ZFX: variants seen among roughly 807,000 people sequenced by gnomAD.
The protein encoded by ZFX is zinc finger protein X-linked.
For missense variants in ZFX, 362 were observed against 628.3 expected (o/e 0.58, Z 4.53); for synonymous variants, 196 against 226.8 (o/e 0.86, Z 1.22).
chrX:24,212,858 C>G lies in ZFX; in HGVS notation c.*1482C>G, dbSNP rs1806709035. The G allele has an allele frequency of 9.0e-6, 1 of 111,469 alleles. No homozygotes were observed. Among genetic ancestry groups the G allele is most frequent in the African/African-American group, 3.3e-5 (1 of 30,645 alleles). 9.2% of individuals were successfully genotyped at this position (111,469 alleles called of 1,213,427 possible). A position where few individuals can be genotyped will look rare whatever the true frequency, so the allele number is the denominator to read the frequency against. The stretch of plus-strand genomic sequence containing the variant: ...GTCTGAGGCCTTATTTGGAACATCA[C>G]TAAGTCTTCCACAGGTTTTTTGTTT... On this transcript the variant is annotated 3_prime_UTR_variant, in exon 10 of 10. Transcript: ENST00000304543.
chrX:24,207,078 A>G (rs1018142480), intron 5 of ZFX: 28 of 269,123 alleles, frequency 1.0e-4, no homozygotes, highest in Non-Finnish European at 1.6e-4. Context: ...CTAAAAATAC[A>G]AAAAATTAGC....
rs146252701 is a variant in ZFX at position 24,208,739 on chromosome X, G to A, written c.1094-161G>A. On this transcript the variant is annotated intron_variant, in intron 8 of 9. Transcript: ENST00000304543. Reference sequence around the variant, plus strand: ...GAAGCTAGGCGTTTCCTACGGTCTCGCGATAATAAATGTGCTCATAAAACC... The same window carrying A: ...GAAGCTAGGCGTTTCCTACGGTCTCACGATAATAAATGTGCTCATAAAACC... Among the ~76,000 whole-genome samples the A allele has an allele frequency of 3.7e-3, 415 of 111,479 alleles. 2 individuals are homozygous for A. The highest frequency in any genetic ancestry group is 0.013 in the African/African-American group (397 of 30,718).
intron 3 of ZFX, among the ~76,000 whole-genome samples, chrX:24,156,660 C>CTTTTTTTTTTTTTTTTTT (rs767019753): frequency 2.4e-5 from 2 of 83,547 alleles, no homozygotes; most frequent in South Asian, 7.1e-4. Context: ...TAATAATAGC[C>CTTTTTTTTTTTTTTTTTT]TTTTTTTTTT....
chrX:24,205,963 C>T (rs367598748), intron 5 of ZFX, among the ~76,000 whole-genome samples: 5 of 108,124 alleles, frequency 4.6e-5, no homozygotes, highest in East Asian at 5.7e-4. Flanking sequence ...AAATTTTTTT[C>T]CTCTTTTTCT....
chrX:24,199,140 G>A (rs1166116551), intron 5 of ZFX, among the ~76,000 whole-genome samples: 1 of 111,661 alleles, frequency 9.0e-6, no homozygotes, highest in East Asian at 2.8e-4. Flanking sequence ...ATCACAGAGA[G>A]TGAGCATCTG....
chrX:24,199,401 C>A (rs777754727), intron 5 of ZFX, among the ~76,000 whole-genome samples: 1 of 109,600 alleles, frequency 9.1e-6, no homozygotes, highest in East Asian at 2.9e-4. Context: ...ACTACAGGTG[C>A]ACACTACCAT....
intron 5 of ZFX, among the ~76,000 whole-genome samples, chrX:24,185,877 T>C (rs1936067465): frequency 9.1e-6 from 1 of 110,032 alleles, no homozygotes; most frequent in African/African-American, 3.3e-5. Context: ...GAGGTTACAG[T>C]GACCCTTGAT....
intron 5 of ZFX, among the ~76,000 whole-genome samples, chrX:24,182,432 TG>T (rs1256915490): frequency 9.0e-6 from 1 of 111,372 alleles, no homozygotes; most frequent in East Asian, 2.8e-4. Flanking sequence ...CAGGAGGTTT[TG>T]GGAAGAGAAG....
In ZFX at chrX:24,184,201, C is replaced by T. The variant is rs1935921840; in HGVS notation, c.646+4431C>T. Among the ~76,000 whole-genome samples, 3 of 111,663 alleles carry T rather than the reference C, an allele frequency of 2.7e-5. No homozygotes were observed. In the South Asian group the frequency reaches 1.1e-3, roughly 42 times the overall value. On this transcript the variant is annotated intron_variant, in intron 5 of 9. Coordinates refer to ENST00000304543, the MANE Select transcript of ZFX (RefSeq NM_003410.4). ...TTGGATAAGGGTTACTCAACCCTTA[C>T]GACTGCCAGATTTTCTATTACAAGA...
In ZFX at chrX:24,213,249, C is replaced by T. The variant is rs765860143; in HGVS notation, c.*1873C>T. The T allele has an allele frequency of 8.9e-6, 1 of 111,898 alleles. No homozygotes were observed. The highest frequency in any genetic ancestry group is 3.8e-4 in the South Asian group (1 of 2,663). 9.2% of individuals were successfully genotyped at this position (111,898 alleles called of 1,213,427 possible). On this transcript the variant is annotated 3_prime_UTR_variant, in exon 10 of 10. Coordinates refer to ENST00000304543, the MANE Select transcript of ZFX (RefSeq NM_003410.4). ...GTGTCATACATTCATAAAACAAACT[C>T]GGTTAATTAGAACTTGGTTATGTTA... is the stretch of plus-strand genomic sequence containing the variant.
chrX:24,198,358 A>G (rs1026534658), intron 5 of ZFX, among the ~76,000 whole-genome samples: 5 of 110,655 alleles, frequency 4.5e-5, no homozygotes, highest in African/African-American at 1.6e-4. Flanking sequence ...CCATACCACC[A>G]TGCCCAGCTA....
chrX:24,192,652 A>C (rs1477043989), intron 5 of ZFX, among the ~76,000 whole-genome samples: 1 of 111,648 alleles, frequency 9.0e-6, no homozygotes, highest in Non-Finnish European at 1.9e-5. Flanking sequence ...CACACCTGTA[A>C]TCCCAGCATT....
intron 1 of ZFX, chrX:24,150,226 T>A (rs1601765388): frequency 1.6e-5 from 1 of 62,738 alleles, no homozygotes; most frequent in South Asian, 1.1e-3. Context: ...GCTCGGCGCC[T>A]GCTGCAGGGG....
At position 24,174,484 on chromosome X, in the gene ZFX, C is replaced by T. The variant is rs557547457; in HGVS notation, c.58+1684C>T. Among the ~76,000 whole-genome samples the T allele has an allele frequency of 1.6e-4, 17 of 104,950 alleles. No individual in the cohort carries two copies. In the South Asian group the frequency reaches 7.8e-3, roughly 48 times the overall value. 91.1% of individuals were successfully genotyped at this position (104,950 alleles called of 115,157 possible). A position where few individuals can be genotyped will look rare whatever the true frequency, so the allele number is the denominator to read the frequency against. ...TCTCGGCTCACTGCAACCTCTGTCT[C>T]CCGAGTTCAAGTGATTCTCCTACCT... On this transcript the variant is annotated intron_variant, in intron 4 of 9. Transcript: ENST00000304543.
At chrX:24,149,853 C>G (rs1240328206) in intron 1 of ZFX, 59 bp downstream of exon 1, 1 of 109,262 alleles carries the variant, frequency 9.2e-6, no homozygotes, top group Non-Finnish European at 1.9e-5. Flanking sequence ...GGCCTGGTCT[C>G]GGCCTGGTCG....
chrX:24,179,893 C>T (rs1935520604), intron 5 of ZFX, 123 bp downstream of exon 5: 1 of 646,432 alleles, frequency 1.5e-6, no homozygotes, highest in Non-Finnish European at 2.3e-6. Flanking sequence ...GACCTACCTG[C>T]ATTGTTGTTT....
intron 5 of ZFX, among the ~76,000 whole-genome samples, chrX:24,184,986 C>A (rs900956402): frequency 9.0e-6 from 1 of 111,387 alleles, no homozygotes; most frequent in Non-Finnish European, 1.9e-5. Flanking sequence ...AGTCTCGCTC[C>A]CTTACCCAGG....
intron 5 of ZFX, among the ~76,000 whole-genome samples, chrX:24,187,168 A>G (rs1005650446): frequency 8.9e-6 from 1 of 112,027 alleles, no homozygotes; most frequent in Non-Finnish European, 1.9e-5. Flanking sequence ...TGCAGTGGCT[A>G]TCTGCAGGTC....
intron 5 of ZFX, among the ~76,000 whole-genome samples, chrX:24,190,736 A>G (rs1324610587): frequency 1.8e-5 from 2 of 112,245 alleles, no homozygotes; most frequent in Admixed American, 9.5e-5. Context: ...CTCCTTGCCT[A>G]TCTTAGAGAA....
Sources: gnomAD v4.1 joint callset for allele counts (sites outside exome capture counted in the v4.1 genomes callset) on GRCh38, gnomAD v4.1.1 for gene constraint, MANE v1.5 for transcripts, NCBI Gene and HGNC (gene_info 2026-07-23, HGNC 2026-07-21) for gene names.